SCLT1: variants seen among roughly 807,000 people sequenced by gnomAD.
The protein encoded by SCLT1 is sodium channel-associated protein 1.
SCLT1 carries 78 observed loss-of-function variants against 112.8 expected under a neutral mutation model. That is an observed-to-expected ratio of 0.69 (90% CI 0.58 to 0.83). The LOEUF (loss-of-function observed/expected upper bound fraction) is 0.83. Among genes scored for constraint, SCLT1 ranks in the 40% least tolerant of loss-of-function variants. The probability of loss-of-function intolerance (pLI) is 0.00; values close to 1 mark genes in which losing one functional copy is unlikely to be tolerated. For missense variants in SCLT1, 747 were observed against 770.4 expected (o/e 0.97, Z 0.36); for synonymous variants, 257 against 254.7 (o/e 1.01, Z -0.09).
At chr4:129,079,436 G>A (rs898733503) in intron 2 of SCLT1, among the ~76,000 whole-genome samples, 8 of 152,144 alleles carry the variant, frequency 5.3e-5, no homozygotes, top group Non-Finnish European at 7.4e-5. Context: ...TCTACAGGCC[G>A]CGGGGCATGT....
At chr4:128,982,032 T>C (rs2126053136) in intron 9 of SCLT1, among the ~76,000 whole-genome samples, 1 of 152,230 alleles carries the variant, frequency 6.6e-6, no homozygotes, top group African/African-American at 2.4e-5. Context: ...AGTGATGAAG[T>C]GAAAGATCAG....
intron 16 of SCLT1, chr4:128,945,097 T>G (rs1317721314): frequency 6.6e-6 from 1 of 152,150 alleles, no homozygotes; most frequent in Non-Finnish European, 1.5e-5. Flanking sequence ...TTTATGAATA[T>G]AAGGAACACA....
chr4:128,926,320 A>C (rs1736295566), intron 18 of SCLT1, among the ~76,000 whole-genome samples: 1 of 152,106 alleles, frequency 6.6e-6, no homozygotes, highest in African/African-American at 2.4e-5. Context: ...GTGTTCAACA[A>C]GGATGTTCCA....
chr4:129,046,259 C>G (rs532677995), intron 2 of SCLT1, among the ~76,000 whole-genome samples: 32 of 152,194 alleles, frequency 2.1e-4, no homozygotes, highest in African/African-American at 7.7e-4. Flanking sequence ...CTGATACACA[C>G]AAGTTTCAGT....
Position 128,999,783 on chromosome 4 carries a change from C to T in SCLT1, c.438G>A (p.Gln146=), listed in dbSNP as rs767156760. ...QLQLANQEKT[Q]AVELWQTVSQ... ...AAACAGTCTGCCAGAGTTCCACAGC[C>T]TGAGTTTTTTCCTATTAAAAAAGTT... The change falls in exon 7 of 21, where the codon CAG becomes CAA. Residue 146 remains glutamine (Q), a synonymous_variant. Coordinates refer to ENST00000281142, the MANE Select transcript of SCLT1 (RefSeq NM_144643.4). 6.3e-7 allele frequency: 1 copy of T among 1,599,046 alleles called. No individual in the cohort carries two copies. The highest frequency in any genetic ancestry group is 1.1e-5 in the South Asian group (1 of 88,596).
At position 129,093,422 on chromosome 4, in the gene SCLT1, T is replaced by G. The variant is rs1363722011; in HGVS notation, c.-319A>C. On this transcript the variant is annotated 5_prime_UTR_variant, in exon 1 of 21. Coordinates refer to ENST00000281142, the MANE Select transcript of SCLT1 (RefSeq NM_144643.4). ...TCACTCTGGGTCTCGTCGGGCCACC[T>G]AGGAGAGTGCCGCGGGAGCTTGACG... is the stretch of plus-strand genomic sequence containing the variant. The G allele has an allele frequency of 2.9e-6, 1 of 339,660 alleles. No homozygotes were observed. The highest frequency in any genetic ancestry group is 2.1e-5 in the African/African-American group (1 of 47,860). 21.0% of individuals were successfully genotyped at this position (339,660 alleles called of 1,614,324 possible).
At chr4:129,090,058 G>C (rs375053713) in intron 1 of SCLT1, among the ~76,000 whole-genome samples, 1 of 151,980 alleles carries the variant, frequency 6.6e-6, no homozygotes, top group East Asian at 1.9e-4. Flanking sequence ...CGAAAAATCA[G>C]AAACTGAAAG....
chr4:128,895,418 C>G (rs1484201123), intron 18 of SCLT1, among the ~76,000 whole-genome samples: 1 of 152,180 alleles, frequency 6.6e-6, no homozygotes, highest in Non-Finnish European at 1.5e-5. Context: ...TTCCACACTT[C>G]AGTTGGGCTC....
chr4:128,953,776 G>A (rs1738975959), intron 13 of SCLT1, among the ~76,000 whole-genome samples: 1 of 147,256 alleles, frequency 6.8e-6, no homozygotes, highest in South Asian at 2.1e-4. Flanking sequence ...TCCAGCCTGG[G>A]CAACAGAGTG....
Position 128,957,032 on chromosome 4 carries a change from C to T in SCLT1, c.1140G>A (p.Lys380=), listed in dbSNP as rs752502105. Residue 380 remains lysine (K), a synonymous_variant, in exon 13 of 21, where the codon AAG becomes AAA. Transcript: ENST00000281142. The part of the protein sequence containing the change: ...RFVQDATIRT[K]KEVANTKKQC... Reference sequence around the variant, plus strand: ...TATAATTAAAAATCCTTACTTCTTTCTTGGTTCTTATGGTAGCATCTTGTA... The same window carrying T: ...TATAATTAAAAATCCTTACTTCTTTTTTGGTTCTTATGGTAGCATCTTGTA... 1.3e-6 allele frequency: 2 copies of T among 1,530,824 alleles called. No individual in the cohort carries two copies. The highest frequency in any genetic ancestry group is 8.9e-7 in the Non-Finnish European group (1 of 1,127,192). The allele number at this position is 1,530,824 out of a possible 1,614,324, so 94.8% of individuals were successfully genotyped here. A position where few individuals can be genotyped will look rare whatever the true frequency, so the allele number is the denominator to read the frequency against.
intron 18 of SCLT1, among the ~76,000 whole-genome samples, chr4:128,922,844 T>C (rs751851463): frequency 4.6e-5 from 7 of 151,652 alleles, no homozygotes; most frequent in South Asian, 4.2e-4. Flanking sequence ...CAACAGCAAA[T>C]TGAACATTAA....
intron 1 of SCLT1, among the ~76,000 whole-genome samples, chr4:129,092,426 C>A (rs1057071646): frequency 6.6e-6 from 1 of 152,136 alleles, no homozygotes; most frequent in Non-Finnish European, 1.5e-5. Context: ...ACGTTTCAGC[C>A]CAATAGCACC....
At chr4:129,045,595 T>A (rs1748110678) in intron 2 of SCLT1, among the ~76,000 whole-genome samples, 2 of 151,982 alleles carry the variant, frequency 1.3e-5, no homozygotes, top group East Asian at 1.9e-4. Context: ...TGTATCAAAA[T>A]ATATATATCA....
At chr4:128,920,478 G>A (rs1463652965) in intron 18 of SCLT1, among the ~76,000 whole-genome samples, 1 of 152,190 alleles carries the variant, frequency 6.6e-6, no homozygotes. Context: ...TTTTAGTAGA[G>A]ATGGGGTTTT....
At chr4:128,879,126 A>T (rs972116148), downstream of SCLT1, among the ~76,000 whole-genome samples, 2 of 132,832 alleles carry the variant, frequency 1.5e-5, no homozygotes, top group African/African-American at 6.6e-5. Context: ...TTAAAGTATT[A>T]AAAAAAAAAA....
intron 17 of SCLT1, among the ~76,000 whole-genome samples, chr4:128,940,528 A>C (rs1344015262): frequency 2.0e-5 from 3 of 152,036 alleles, no homozygotes; most frequent in African/African-American, 7.2e-5. Context: ...GGGTGTATCA[A>C]TATAAATGCA....
chr4:129,004,975 C>A (rs1001105168), intron 5 of SCLT1, among the ~76,000 whole-genome samples: 1 of 151,136 alleles, frequency 6.6e-6, no homozygotes, highest in Admixed American at 6.6e-5. Flanking sequence ...GAAATGTTTA[C>A]CTAATAGAGA....
chr4:129,049,655 T>C (rs1041384592), intron 2 of SCLT1, among the ~76,000 whole-genome samples: 1 of 151,860 alleles, frequency 6.6e-6, no homozygotes, highest in Non-Finnish European at 1.5e-5. Context: ...CGGGGTGATT[T>C]ATTTTTGGCA....
At chr4:129,005,391 C>T (rs111488704) in intron 5 of SCLT1, among the ~76,000 whole-genome samples, 3,699 of 152,064 alleles carry the variant, frequency 0.024, 121 homozygotes, top group African/African-American at 0.075. Context: ...TTCTTTGTTA[C>T]GCAGCCAAAA....
Sources: gnomAD v4.1 joint callset for allele counts (sites outside exome capture counted in the v4.1 genomes callset) on GRCh38, gnomAD v4.1.1 for gene constraint, MANE v1.5 for transcripts, NCBI Gene and HGNC (gene_info 2026-07-23, HGNC 2026-07-21) for gene names.